The following PPARGC1A variants were observed in gnomAD, a reference collection of about 807,000 sequenced individuals.
PPARGC1A encodes PPARG coactivator 1 alpha.
PPARGC1A carries 25 observed loss-of-function variants against 88.7 expected under a neutral mutation model. That is an observed-to-expected ratio of 0.28 (90% confidence interval 0.21 to 0.39). The LOEUF (loss-of-function observed/expected upper bound fraction) is 0.39. Among genes scored for constraint, PPARGC1A ranks in the 10% least tolerant of loss-of-function variants. PPARGC1A has a pLI of 1.00. For missense variants in PPARGC1A, 880 were observed against 968.7 expected (o/e 0.91, Z 1.22); for synonymous variants, 363 against 355.6 (o/e 1.02, Z -0.24).
the PPARGC1A span, among the ~76,000 whole-genome samples, chr4:23,994,238 C>A: frequency 1.3e-5 from 2 of 152,098 alleles, no homozygotes; most frequent in East Asian, 1.9e-4. Context: ...AGGAAGTAAC[C>A]CGTTAAAGGC....
the PPARGC1A span, among the ~76,000 whole-genome samples, chr4:24,034,926 TGACA>T: frequency 5.3e-5 from 8 of 151,888 alleles, no homozygotes; most frequent in Non-Finnish European, 8.8e-5. Context: ...TTGAAGACAA[TGACA>T]TGGAGCACTG....
chr4:24,436,876 C>A, the PPARGC1A span, among the ~76,000 whole-genome samples: 32,105 of 144,404 alleles, frequency 0.22, 4,118 homozygotes, highest in Non-Finnish European at 0.27. Context: ...GAGCTAATAT[C>A]TATTGGCCAC....
chr4:24,093,054 T>A, the PPARGC1A span, among the ~76,000 whole-genome samples: 1 of 152,234 alleles, frequency 6.6e-6, no homozygotes, highest in African/African-American at 2.4e-5. Flanking sequence ...AGGTGTCCGA[T>A]GCTGTGCTGA....
At chr4:24,124,610 T>C in the PPARGC1A span, among the ~76,000 whole-genome samples, 1 of 152,148 alleles carries the variant, frequency 6.6e-6, no homozygotes, top group African/African-American at 2.4e-5. Flanking sequence ...AGGGAGCTCC[T>C]AGTTGCTGGA....
the PPARGC1A span, among the ~76,000 whole-genome samples, chr4:24,381,992 A>G: frequency 6.6e-6 from 1 of 152,238 alleles, no homozygotes; most frequent in African/African-American, 2.4e-5. Flanking sequence ...CCACTCACCT[A>G]GAAATATCAA....
the PPARGC1A span, among the ~76,000 whole-genome samples, chr4:24,223,029 T>C: frequency 1.3e-5 from 2 of 152,276 alleles, 1 homozygote; most frequent in South Asian, 4.1e-4. Flanking sequence ...CAAGCATACC[T>C]TTTGCGTAAC....
the PPARGC1A span, among the ~76,000 whole-genome samples, chr4:24,448,389 G>A: frequency 6.6e-6 from 1 of 152,182 alleles, no homozygotes; most frequent in African/African-American, 2.4e-5. Context: ...GCTGCTTTAT[G>A]CAAGAGCCCC....
the PPARGC1A span, among the ~76,000 whole-genome samples, chr4:24,235,010 C>T: frequency 6.6e-6 from 1 of 152,122 alleles, no homozygotes; most frequent in Non-Finnish European, 1.5e-5. Flanking sequence ...TTCTGAAATA[C>T]TCATTTTGGG....
chr4:24,111,582 TG>T, the PPARGC1A span, among the ~76,000 whole-genome samples: 41 of 152,296 alleles, frequency 2.7e-4, 1 homozygote, highest in East Asian at 7.9e-3. Context: ...TAAATGTAAT[TG>T]TTTTTAGCTC....
chr4:24,077,921 T>C, the PPARGC1A span, among the ~76,000 whole-genome samples: 5 of 152,014 alleles, frequency 3.3e-5, no homozygotes, highest in African/African-American at 7.2e-5. Context: ...TGTTTTCTAG[T>C]TCATTAATTA....
chr4:24,210,697 C>T, the PPARGC1A span, among the ~76,000 whole-genome samples: 2 of 152,236 alleles, frequency 1.3e-5, no homozygotes, highest in Admixed American at 1.3e-4. Flanking sequence ...TTCTCCCACC[C>T]ACTTATGGTC....
the PPARGC1A span, among the ~76,000 whole-genome samples, chr4:24,448,718 C>A: frequency 6.6e-6 from 1 of 152,136 alleles, no homozygotes; most frequent in Admixed American, 6.5e-5. Context: ...CACGACCTTT[C>A]CAGGGAGACC....
the PPARGC1A span, among the ~76,000 whole-genome samples, chr4:24,232,869 G>A: frequency 1.3e-5 from 2 of 152,190 alleles, no homozygotes; most frequent in Admixed American, 6.5e-5. Context: ...CTAATTAGCA[G>A]CTTCTAACAT....
At chr4:24,387,746 AAG>A in the PPARGC1A span, among the ~76,000 whole-genome samples, 1,846 of 61,054 alleles carry the variant, frequency 0.03, 123 homozygotes, top group African/African-American at 0.092. Context: ...GAAAGAAAGA[AAG>A]AGAGAGAGAG....
intron 2 of PPARGC1A, among the ~76,000 whole-genome samples, chr4:23,847,416 C>T (rs1053532083): frequency 6.6e-6 from 1 of 152,164 alleles, no homozygotes; most frequent in African/African-American, 2.4e-5. Context: ...TACCCTGTTT[C>T]AGTACTTGTG....
At chr4:24,086,700 G>T in the PPARGC1A span, among the ~76,000 whole-genome samples, 2 of 152,056 alleles carry the variant, frequency 1.3e-5, no homozygotes, top group African/African-American at 2.4e-5. Flanking sequence ...CACATGGGGG[G>T]TATTCAAAAA....
At chr4:24,310,389 A>T in the PPARGC1A span, among the ~76,000 whole-genome samples, 1 of 152,174 alleles carries the variant, frequency 6.6e-6, no homozygotes, top group Non-Finnish European at 1.5e-5. Context: ...GGTCCTTCAT[A>T]TAGTTGTTTT....
the PPARGC1A span, among the ~76,000 whole-genome samples, chr4:24,390,167 T>C: frequency 1.3e-5 from 2 of 152,194 alleles, no homozygotes; most frequent in East Asian, 3.9e-4. Flanking sequence ...GAAATATGAT[T>C]ATTCCCCAGA....
chr4:24,295,919 T>G, the PPARGC1A span, among the ~76,000 whole-genome samples: 1 of 151,090 alleles, frequency 6.6e-6, no homozygotes, highest in South Asian at 2.1e-4. Context: ...TCTAGCTCAT[T>G]TAATCTGCAC....
Sources: gnomAD v4.1 joint callset for allele counts (sites outside exome capture counted in the v4.1 genomes callset) on GRCh38, gnomAD v4.1.1 for gene constraint, MANE v1.5 for transcripts, NCBI Gene and HGNC (gene_info 2026-07-23, HGNC 2026-07-21) for gene names.